Variants in PREX2 observed in about 807,000 individuals in gnomAD.
PREX2 encodes the protein phosphatidylinositol-3,4,5-trisphosphate dependent Rac exchange factor 2, also known as phosphatidylinositol 3,4,5-trisphosphate-dependent Rac exchanger 2 protein.
In PREX2, 107 loss-of-function variants were observed where a neutral mutation model predicts 203.2. The ratio of observed to expected loss-of-function variants is 0.53; its 90% CI spans 0.45 to 0.62. The LOEUF (loss-of-function observed/expected upper bound fraction) is 0.62. PREX2 is among the 20% of genes least tolerant of loss of function. The pLI, the probability that PREX2 is intolerant of heterozygous loss-of-function variation, is 0.00. For synonymous variants in PREX2, 672 were observed against 663.6 expected (o/e 1.01, Z -0.19); for missense variants, 1,777 against 1,955.9 (o/e 0.91, Z 1.72).
rs749853516 is a variant in PREX2, at chr8:68,030,663, A to G, written c.705+5A>G. On this transcript the variant is annotated splice_donor_5th_base_variant and intron_variant, in intron 6 of 39. Transcript: ENST00000288368. The stretch of plus-strand genomic sequence containing the variant: ...TCTCACATTGAAGGCTGGGAGGTAC[A>G]TTCACTTTGCTTGACAATCGAGCTT... 5.6e-6 allele frequency: 9 copies of G among 1,613,242 alleles called. No homozygotes were observed. The highest frequency in any genetic ancestry group is 3.3e-5 in the South Asian group (3 of 91,050).
chr8:68,109,864 C>T (rs548936813), intron 25 of PREX2, among the ~76,000 whole-genome samples: 1 of 152,172 alleles, frequency 6.6e-6, no homozygotes, highest in Admixed American at 6.5e-5. Flanking sequence ...CTGTCTTATA[C>T]AAGGATACTA....
intron 18 of PREX2, 79 bp downstream of exon 18, chr8:68,083,467 C>T (rs1285197444): frequency 5.3e-6 from 6 of 1,133,694 alleles, no homozygotes; most frequent in Non-Finnish European, 7.6e-6. Context: ...TAAGTAAATG[C>T]TTAGAATTAA....
At chr8:68,163,570 A>G (rs1811694308) in intron 35 of PREX2, among the ~76,000 whole-genome samples, 1 of 152,206 alleles carries the variant, frequency 6.6e-6, no homozygotes, top group Non-Finnish European at 1.5e-5. Context: ...CCATTAAGGA[A>G]CAGGGTCAAC....
At chr8:68,123,925 A>G (rs1451528678) in intron 30 of PREX2, among the ~76,000 whole-genome samples, 1 of 152,118 alleles carries the variant, frequency 6.6e-6, no homozygotes, top group Non-Finnish European at 1.5e-5. Flanking sequence ...GGAGGCCAGC[A>G]CTATCCTGAT....
intron 38 of PREX2, among the ~76,000 whole-genome samples, chr8:68,222,530 T>C (rs1812973282): frequency 6.6e-6 from 1 of 151,636 alleles, no homozygotes; most frequent in African/African-American, 2.4e-5. Context: ...CTTGAATAAA[T>C]AAATAATTTG....
chr8:68,121,650 G>A (rs1471132413), intron 30 of PREX2, among the ~76,000 whole-genome samples: 1 of 152,064 alleles, frequency 6.6e-6, no homozygotes, highest in Non-Finnish European at 1.5e-5. Flanking sequence ...AATTCTGAGA[G>A]TTTCAAAAAT....
intron 33 of PREX2, among the ~76,000 whole-genome samples, chr8:68,142,855 T>C (rs566619496): frequency 2.0e-5 from 3 of 152,312 alleles, no homozygotes; most frequent in African/African-American, 7.2e-5. Context: ...AGCTAAAGGA[T>C]TAAATTTTAT....
chr8:68,001,675 C>T (rs1806941290), intron 1 of PREX2, among the ~76,000 whole-genome samples: 1 of 152,122 alleles, frequency 6.6e-6, no homozygotes. Flanking sequence ...TTCACAATAG[C>T]AAAGACATGG....
intron 33 of PREX2, 86 bp downstream of exon 33, chr8:68,138,603 T>A (rs1811159587): frequency 1.7e-6 from 1 of 583,534 alleles, no homozygotes; most frequent in Admixed American, 3.3e-5. Context: ...TTGATAAGTA[T>A]TTTATGAACT....
intron 1 of PREX2, among the ~76,000 whole-genome samples, chr8:67,958,425 G>C (rs745334684): frequency 6.6e-6 from 1 of 152,088 alleles, no homozygotes; most frequent in Non-Finnish European, 1.5e-5. Context: ...TCACATTTAG[G>C]GGTCTGAAAC....
chr8:67,977,496 A>C (rs1220757431), intron 1 of PREX2, among the ~76,000 whole-genome samples: 7 of 152,152 alleles, frequency 4.6e-5, no homozygotes, highest in Non-Finnish European at 7.3e-5. Flanking sequence ...ACATAGATGT[A>C]TTTGGCCTTC....
At chr8:68,013,371 C>G (rs527807070) in intron 1 of PREX2, among the ~76,000 whole-genome samples, 1 of 152,182 alleles carries the variant, frequency 6.6e-6, no homozygotes, top group South Asian at 2.1e-4. Context: ...AGTCCTGATC[C>G]CTCCCTTAGA....
chr8:68,212,165 A>C (rs1441068741), intron 37 of PREX2, among the ~76,000 whole-genome samples: 3 of 152,172 alleles, frequency 2.0e-5, no homozygotes, highest in Non-Finnish European at 2.9e-5. Context: ...GTTCATGAGC[A>C]GACTGAACCA....
At position 68,028,272 on chromosome 8, in the gene PREX2, T is replaced by C. The variant is rs147230371; in HGVS notation, c.543+949T>C. Among the ~76,000 whole-genome samples the C allele has an allele frequency of 1.0e-3, 153 of 151,802 alleles. 2 individuals carry two copies. The Middle Eastern group carries it at 0.014, about 14-fold the overall frequency. On this transcript the variant is annotated intron_variant, in intron 5 of 39. Coordinates refer to ENST00000288368, the MANE Select transcript of PREX2 (RefSeq NM_024870.4). ...AGGATTATATAATGATAATGATTAA[T>C]TTAACTATTTTATATAAATCAATTA...
chr8:68,047,188 T>C (rs1808377477), intron 8 of PREX2, among the ~76,000 whole-genome samples: 1 of 151,986 alleles, frequency 6.6e-6, no homozygotes, highest in Non-Finnish European at 1.5e-5. Flanking sequence ...ATGAACTTTC[T>C]TCCTTTGTTG....
Position 68,235,693 on chromosome 8 carries a change from CA to C in PREX2, c.*4318del, listed in dbSNP as rs1813253105. 1 of 152,124 alleles carries C rather than the reference CA, an allele frequency of 6.6e-6. No homozygotes were observed. The highest frequency in any genetic ancestry group is 2.1e-4 in the South Asian group (1 of 4,824). 9.4% of individuals were successfully genotyped at this position (152,124 alleles called of 1,614,324 possible). ...AATGGCCCCAGGATATTCCATTGAA[CA>C]AATATTGACCATTATCTTCCTAGGT... is the stretch of plus-strand genomic sequence containing the variant. On this transcript the variant is annotated 3_prime_UTR_variant, in exon 40 of 40. Transcript: ENST00000288368.
chr8:68,003,842 CTTTTTTTTTTT>C (rs148890144), intron 1 of PREX2, among the ~76,000 whole-genome samples: 1 of 90,622 alleles, frequency 1.1e-5, no homozygotes, highest in Admixed American at 1.3e-4. Flanking sequence ...CTGGCCTGAC[CTTTTTTTTTTT>C]TTTTTTTTTT....
intron 3 of PREX2, among the ~76,000 whole-genome samples, chr8:68,021,393 T>C (rs1013329867): frequency 2.6e-5 from 4 of 152,234 alleles, no homozygotes; most frequent in Middle Eastern, 3.2e-3. Flanking sequence ...CCTACAAATA[T>C]GACTCTCTGA....
At chr8:67,993,806 C>G (rs960280182) in intron 1 of PREX2, among the ~76,000 whole-genome samples, 4 of 152,156 alleles carry the variant, frequency 2.6e-5, no homozygotes, top group Admixed American at 2.0e-4. Flanking sequence ...AAATGTCAAG[C>G]ATTCTATCCA....
Sources: gnomAD v4.1 joint callset for allele counts (sites outside exome capture counted in the v4.1 genomes callset) on GRCh38, gnomAD v4.1.1 for gene constraint, MANE v1.5 for transcripts, NCBI Gene and HGNC (gene_info 2026-07-23, HGNC 2026-07-21) for gene names.